The following VIRMA variants were observed in gnomAD, a reference collection of about 807,000 sequenced individuals.
VIRMA encodes the protein protein virilizer homolog.
In VIRMA, 65 loss-of-function variants were observed where a neutral mutation model predicts 182.4. The ratio of observed to expected loss-of-function variants is 0.36; its 90% confidence interval spans 0.29 to 0.44. VIRMA has a LOEUF of 0.44. VIRMA is among the 20% of genes least tolerant of loss of function. The pLI, the probability that VIRMA is intolerant of heterozygous loss-of-function variation, is 1.00. For synonymous variants in VIRMA, 709 were observed against 743.1 expected (o/e 0.95, Z 0.75); for missense variants, 1,752 against 2,158.1 (o/e 0.81, Z 3.73).
chr8:94,536,759 C>G (rs571559030), intron 4 of VIRMA, among the ~76,000 whole-genome samples: 8 of 152,268 alleles, frequency 5.3e-5, no homozygotes, highest in African/African-American at 1.9e-4. Flanking sequence ...GCGGTTGGAT[C>G]ACGAGGTCAG....
intron 1 of VIRMA, 152 bp downstream of exon 1, chr8:94,553,233 G>A (rs1816068390): frequency 5.3e-6 from 4 of 752,432 alleles, no homozygotes; most frequent in East Asian, 2.5e-5. Flanking sequence ...TCCCTCAGAC[G>A]CGATGCTCAC....
At chr8:94,530,500 A>C (rs555316061) in intron 6 of VIRMA, among the ~76,000 whole-genome samples, 237 of 151,768 alleles carry the variant, frequency 1.6e-3, no homozygotes, top group African/African-American at 5.2e-3. Context: ...CTGTCTCAAA[A>C]AAAAAAAAAA....
chr8:94,526,002 C>T (rs1159166495), intron 8 of VIRMA, among the ~76,000 whole-genome samples: 1 of 152,174 alleles, frequency 6.6e-6, no homozygotes, highest in Non-Finnish European at 1.5e-5. Context: ...TTACTAAAAT[C>T]TTTCACTGAA....
rs374093023 is a variant in VIRMA at position 94,526,214 on chromosome 8, A to C, written c.2021+9T>G. Reference sequence around the variant, plus strand: ...GAAATTTATTTCCCAAAAGGCAAACATGTCTTACCTAAAGAGAACAGGGTA... The same window carrying C: ...GAAATTTATTTCCCAAAAGGCAAACCTGTCTTACCTAAAGAGAACAGGGTA... On this transcript the variant is annotated intron_variant, in intron 8 of 23. Transcript: ENST00000297591. The C allele has an allele frequency of 2.1e-4, 331 of 1,550,904 alleles. No individual in the cohort carries two copies. The highest frequency in any genetic ancestry group is 2.7e-4 in the Non-Finnish European group (309 of 1,151,408).
chr8:94,493,268 T>A (rs1444089133), intron 20 of VIRMA, among the ~76,000 whole-genome samples: 4 of 152,200 alleles, frequency 2.6e-5, no homozygotes, highest in Admixed American at 2.0e-4. Flanking sequence ...CTAAGTTTAA[T>A]TTCAGGGAAA....
chr8:94,519,571 C>A (rs1814688882), intron 8 of VIRMA, 95 bp from the exon 9 acceptor site: 2 of 1,292,590 alleles, frequency 1.5e-6, no homozygotes, highest in South Asian at 3.1e-5. Flanking sequence ...TTTTTAATGA[C>A]CATAATCCTT....
intron 8 of VIRMA, among the ~76,000 whole-genome samples, chr8:94,523,007 CAGTA>C (rs1438441058): frequency 9.9e-5 from 15 of 152,164 alleles, no homozygotes; most frequent in African/African-American, 3.4e-4. Flanking sequence ...AAAAAACACT[CAGTA>C]AGTATTTAAT....
At chr8:94,528,322 T>C (rs2130353476) in intron 7 of VIRMA, among the ~76,000 whole-genome samples, 1 of 143,068 alleles carries the variant, frequency 7.0e-6, no homozygotes, top group Admixed American at 7.4e-5. Context: ...TAGAAATAAT[T>C]ATTTGATAAT....
chr8:94,489,338 A>G (rs1225555663), intron 23 of VIRMA, among the ~76,000 whole-genome samples: 1 of 152,258 alleles, frequency 6.6e-6, no homozygotes, highest in African/African-American at 2.4e-5. Flanking sequence ...CAAACAGTTC[A>G]GAAACTAAAA....
chr8:94,542,183 T>C (rs1815578705), intron 2 of VIRMA, among the ~76,000 whole-genome samples: 1 of 152,218 alleles, frequency 6.6e-6, no homozygotes, highest in Non-Finnish European at 1.5e-5. Flanking sequence ...ATATGTAACC[T>C]ACAGAATATG....
At chr8:94,543,293 C>T (rs1815628968) in intron 2 of VIRMA, among the ~76,000 whole-genome samples, 1 of 148,990 alleles carries the variant, frequency 6.7e-6, no homozygotes, top group African/African-American at 2.5e-5. Context: ...CCCAGCTACT[C>T]AGGAGGGTGA....
At chr8:94,510,917 G>A in intron 13 of VIRMA, 2 of 1,203,846 alleles carry the variant, frequency 1.7e-6, no homozygotes, top group African/African-American at 1.5e-5. Flanking sequence ...AAGGTGTGGG[G>A]GAAAGGATTT....
chr8:94,531,828 T>C (rs541362520), intron 5 of VIRMA, among the ~76,000 whole-genome samples: 14 of 152,314 alleles, frequency 9.2e-5, no homozygotes, highest in African/African-American at 3.4e-4. Context: ...TTTTGGTACA[T>C]CTATATTTTG....
At chr8:94,540,940 C>T (rs1187027558) in intron 2 of VIRMA, among the ~76,000 whole-genome samples, 3 of 151,978 alleles carry the variant, frequency 2.0e-5, no homozygotes, top group Non-Finnish European at 2.9e-5. Context: ...TCTTACAACT[C>T]GGTGACTCTA....
Position 94,519,237 on chromosome 8 carries a change from T to C in VIRMA, c.2261A>G (p.Asp754Gly). The C allele has an allele frequency of 6.2e-7, 1 of 1,614,172 alleles. No individual in the cohort carries two copies. The highest frequency in any genetic ancestry group is 1.3e-5 in the African/African-American group (1 of 75,044). ...EEGLQSDGVI[D>G]DAFALWLQDS... ...CTGTAGCCACAAGGCAAATGCATCA[T>C]CAATAACACCATCAGATTGGAGACC... The change falls in exon 9 of 24, where the codon GAT (aspartate) becomes GGT (glycine). Residue 754 changes from aspartate to glycine, a missense_variant. Coordinates refer to ENST00000297591, the MANE Select transcript of VIRMA (RefSeq NM_015496.5).
chr8:94,551,208 G>C (rs1238596905), intron 1 of VIRMA, among the ~76,000 whole-genome samples: 1 of 152,138 alleles, frequency 6.6e-6, no homozygotes, highest in Non-Finnish European at 1.5e-5. Context: ...AAGTTCATAA[G>C]CCAAACACCT....
intron 2 of VIRMA, among the ~76,000 whole-genome samples, chr8:94,538,734 C>T (rs1815430591): frequency 6.6e-6 from 1 of 152,072 alleles, no homozygotes; most frequent in Non-Finnish European, 1.5e-5. Context: ...GCCTCAGCTT[C>T]CTGAGCAGCT....
intron 1 of VIRMA, among the ~76,000 whole-genome samples, chr8:94,551,549 T>A (rs1815987239): frequency 6.6e-6 from 1 of 152,172 alleles, no homozygotes; most frequent in Non-Finnish European, 1.5e-5. Flanking sequence ...TGCTAAGCCT[T>A]CCCCAATCAC....
intron 15 of VIRMA, among the ~76,000 whole-genome samples, chr8:94,508,268 T>C (rs1002251089): frequency 2.0e-5 from 3 of 152,002 alleles, no homozygotes; most frequent in African/African-American, 7.2e-5. Context: ...TTTTTTGTAG[T>C]AGAGATGGGG....
Sources: gnomAD v4.1 joint callset for allele counts (sites outside exome capture counted in the v4.1 genomes callset) on GRCh38, gnomAD v4.1.1 for gene constraint, MANE v1.5 for transcripts, NCBI Gene and HGNC (gene_info 2026-07-23, HGNC 2026-07-21) for gene names.